The following FARP2 variants were observed in gnomAD, a reference collection of about 807,000 sequenced individuals.
The protein encoded by FARP2 is FERM, ARH/RhoGEF and pleckstrin domain protein 2, also known as FERM, ARHGEF and pleckstrin domain-containing protein 2.
FARP2 carries 111 observed loss-of-function variants against 130.5 expected under a neutral mutation model. The observed-to-expected ratio is 0.85, with a 90% CI of 0.73 to 1.00. FARP2 has a LOEUF of 1.00. Ranked by LOEUF, FARP2 falls within the 50% of genes least tolerant of loss-of-function variation. The pLI is 0.00. For missense variants in FARP2, 1,385 were observed against 1,346.3 expected, an observed-to-expected ratio of 1.03 and a Z score of -0.45; for synonymous variants, 504 against 516.9, an observed-to-expected ratio of 0.98 and a Z score of 0.34.
intron 8 of FARP2, among the ~76,000 whole-genome samples, chr2:241,430,823 G>A (rs1559761916): frequency 2.6e-5 from 4 of 152,030 alleles, no homozygotes; most frequent in Admixed American, 2.0e-4. Context: ...GGCCAACATG[G>A]TGAAACCCCA....
At chr2:241,471,786 C>T (rs1047935280) in intron 18 of FARP2, among the ~76,000 whole-genome samples, 6 of 152,062 alleles carry the variant, frequency 3.9e-5, no homozygotes, top group Non-Finnish European at 7.4e-5. Flanking sequence ...TGAGCCACCG[C>T]GCCCAGCCGG....
At chr2:241,437,666 A>ATTTTTTTTTTTT (rs1243876155) in intron 12 of FARP2, among the ~76,000 whole-genome samples, 55 of 129,252 alleles carry the variant, frequency 4.3e-4, no homozygotes, top group Admixed American at 9.0e-4. Flanking sequence ...TTATTTATTT[A>ATTTTTTTTTTTT]TTTATTTTTT....
At chr2:241,389,695 G>A (rs954807580) in intron 2 of FARP2, among the ~76,000 whole-genome samples, 5 of 152,198 alleles carry the variant, frequency 3.3e-5, no homozygotes, top group Non-Finnish European at 5.9e-5. Flanking sequence ...CTCTGATACT[G>A]TAGTTTTGTG....
At chr2:241,413,798 G>T (rs1559747023) in intron 7 of FARP2, among the ~76,000 whole-genome samples, 1 of 152,056 alleles carries the variant, frequency 6.6e-6, no homozygotes, top group Non-Finnish European at 1.5e-5. Context: ...CAAAAAATTA[G>T]CTGGGCTAAT....
chr2:241,407,530 G>A lies in FARP2; in HGVS notation c.332-7G>A, dbSNP rs1436649243. 2.5e-6 allele frequency: 4 copies of A among 1,611,710 alleles called. No individual in the cohort carries two copies. The highest frequency in any genetic ancestry group is 3.4e-6 in the Non-Finnish European group (4 of 1,177,992). On this transcript the variant is annotated splice_region_variant and splice_polypyrimidine_tract_variant and intron_variant, in intron 4 of 26. Transcript: ENST00000264042. ...TTATTTGTGAAGTTTAAATTTTTTT[G>A]TTATAGGGCCAAAGAATGTGGTGCT...
rs2064781439 is a variant in FARP2 at position 241,487,563 on chromosome 2, G to T, written c.2422-2399G>T. On this transcript the variant is annotated intron_variant, in intron 21 of 26. Transcript: ENST00000264042. ...GGCACCTGTAGTCCCAACTACTCGGGAGGCTAAGCACAAGAATCACTTGAA... is the reference window on the plus strand; with the variant it reads ...GGCACCTGTAGTCCCAACTACTCGGTAGGCTAAGCACAAGAATCACTTGAA... 2.6e-5 allele frequency among the ~76,000 whole-genome samples: 4 copies of T among 151,232 alleles called. 1 individual carries two copies. The South Asian group carries it at 8.4e-4, about 32-fold the overall frequency.
intron 20 of FARP2, chr2:241,483,959 A>G (rs1295958657): frequency 7.7e-7 from 1 of 1,302,950 alleles, no homozygotes; most frequent in South Asian, 1.7e-5. Context: ...CATGTGGATG[A>G]GGAGGTAACT....
At chr2:241,385,476 C>T (rs2061762465) in intron 2 of FARP2, among the ~76,000 whole-genome samples, 1 of 152,138 alleles carries the variant, frequency 6.6e-6, no homozygotes, top group Admixed American at 6.6e-5. Flanking sequence ...AATCCCGGCA[C>T]TTTTGGAGGC....
intron 12 of FARP2, among the ~76,000 whole-genome samples, chr2:241,440,398 G>A (rs1257513371): frequency 6.6e-6 from 1 of 152,164 alleles, no homozygotes; most frequent in Admixed American, 6.5e-5. Flanking sequence ...AACCATGAGG[G>A]GAGGATGTGT....
rs753554696 is a variant in FARP2, at chr2:241,468,207, G to C, written c.1961G>C (p.Cys654Ser). ...GAACTGGAAAAGGCTACCAAACGCT[G>C]TAAGAAGTTGGAGGCAGTGTACAAG... ...LTELEKATKR[C>S]KKLEAVYKEF... Residue 654 changes from cysteine to serine, a missense_variant, in exon 18 of 27, where the codon TGT becomes TCT. By Grantham distance (112) the Cys-to-Ser change is moderately radical. Coordinates refer to ENST00000264042, the MANE Select transcript of FARP2 (RefSeq NM_014808.4). 6 of 1,614,054 alleles carry C rather than the reference G, an allele frequency of 3.7e-6. No homozygotes were observed. The highest frequency in any genetic ancestry group is 2.2e-5 in the South Asian group (2 of 91,090).
At chr2:241,481,056 CAAAAAAAAA>C (rs34996407) in intron 19 of FARP2, among the ~76,000 whole-genome samples, 47 of 105,162 alleles carry the variant, frequency 4.5e-4, no homozygotes, top group East Asian at 3.1e-3. Flanking sequence ...TTGTCTCTAC[CAAAAAAAAA>C]AAAAAAAAAA....
At chr2:241,441,614 GTTTCAGTGCCT>G in intron 13 of FARP2, 58 bp downstream of exon 13, 1 of 1,612,340 alleles carries the variant, frequency 6.2e-7, no homozygotes, top group Non-Finnish European at 8.5e-7. Flanking sequence ...GGGGGGCAGA[GTTTCAGTGCCT>G]TAGACCTAGA....
rs375264796 is a variant in FARP2 at position 241,373,156 on chromosome 2, C to T, written c.49C>T (p.Arg17Cys). The T allele has an allele frequency of 5.1e-5, 79 of 1,546,742 alleles. No homozygotes were observed. The highest frequency in any genetic ancestry group is 6.5e-5 in the Non-Finnish European group (74 of 1,138,244). Residue 17 changes from arginine (R) to cysteine (C), a missense_variant, in exon 2 of 27, where the codon CGC (arginine) becomes TGC (cysteine). Coordinates refer to ENST00000264042, the MANE Select transcript of FARP2 (RefSeq NM_014808.4). The part of the protein sequence containing the change: ...TYRVLQTAGM[R>C]LGAQTPVGVS... ...CAGAGTCCTGCAGACTGCAGGGATG[C>T]GCTTGGGTGCCCAGACCCCTGTGGG...
chr2:241,442,353 C>T (rs552725406), intron 13 of FARP2: 4 of 456,676 alleles, frequency 8.8e-6, no homozygotes, highest in Non-Finnish European at 1.8e-5. Context: ...CCACGACGGC[C>T]GAGGACTCCA....
At chr2:241,493,597 G>T (rs200604715) in intron 26 of FARP2, 153 bp downstream of exon 26, 132 of 559,894 alleles carry the variant, frequency 2.4e-4, no homozygotes, top group Middle Eastern at 4.8e-4. Context: ...GCAATGCTTT[G>T]TTTTTTTTTT....
chr2:241,393,586 T>C (rs997741230), intron 2 of FARP2, among the ~76,000 whole-genome samples: 2 of 152,176 alleles, frequency 1.3e-5, no homozygotes, highest in African/African-American at 4.8e-5. Context: ...AGTACAGATA[T>C]GAATTATATA....
At chr2:241,445,251 A>AAG (rs2063486180) in intron 13 of FARP2, 1 of 151,892 alleles carries the variant, frequency 6.6e-6, no homozygotes, top group Non-Finnish European at 1.5e-5. Context: ...TCTCAAAAAA[A>AAG]AAAAAAAAAA....
In FARP2 at chr2:241,456,732, C is replaced by T. The variant is rs753009036; in HGVS notation, c.1412-15C>T. ...TCTCATTTCTCGCTCCATCCCCCTC[C>T]CCGTTCATTTCCAGGCCTTTCCACG... On this transcript the variant is annotated splice_polypyrimidine_tract_variant and intron_variant, in intron 13 of 26. Coordinates refer to ENST00000264042, the MANE Select transcript of FARP2 (RefSeq NM_014808.4). 6.2e-7 allele frequency: 1 copy of T among 1,613,904 alleles called. No individual in the cohort carries two copies.
chr2:241,427,248 C>T (rs1368962416), intron 8 of FARP2, among the ~76,000 whole-genome samples: 1 of 152,040 alleles, frequency 6.6e-6, no homozygotes, highest in Non-Finnish European at 1.5e-5. Context: ...AACACACACA[C>T]ACACATATAT....
Sources: allele counts gnomAD v4.1 joint callset (sites outside exome capture counted in the v4.1 genomes callset), GRCh38; gene constraint gnomAD v4.1.1; transcripts MANE v1.5; gene names NCBI Gene and HGNC (gene_info 2026-07-23, HGNC 2026-07-21).